SLC39A14: variants seen among roughly 807,000 people sequenced by gnomAD.
SLC39A14 encodes the protein metal cation symporter ZIP14.
A neutral mutation model predicts 45.5 loss-of-function variants in SLC39A14; 19 were observed. The observed-to-expected ratio is 0.42, with a 90% CI of 0.29 to 0.61. The LOEUF (loss-of-function observed/expected upper bound fraction) is 0.61, where lower values mean the gene tolerates loss of function less well. Ranked by LOEUF, SLC39A14 falls within the 20% of genes least tolerant of loss-of-function variation. SLC39A14 has a pLI of 0.22. For missense variants in SLC39A14, 447 were observed against 616.5 expected, an observed-to-expected ratio of 0.73 and a Z score of 2.91; for synonymous variants, 264 against 251.3, an observed-to-expected ratio of 1.05 and a Z score of -0.48.
At chr8:22,402,787 TG>T (rs1834957382) in intron 1 of SLC39A14, among the ~76,000 whole-genome samples, 1 of 87,738 alleles carries the variant, frequency 1.1e-5, no homozygotes, top group Non-Finnish European at 2.8e-5. Flanking sequence ...AAAAAAAAAA[TG>T]TTGCTATTTT....
intron 8 of SLC39A14, among the ~76,000 whole-genome samples, chr8:22,428,536 G>A (rs373764380): frequency 4.2e-5 from 6 of 143,818 alleles, no homozygotes; most frequent in South Asian, 4.7e-4. Flanking sequence ...TCTGCCTCCC[G>A]GGTTCAAGCG....
chr8:22,387,005 C>G (rs1186589274), intron 1 of SLC39A14, among the ~76,000 whole-genome samples: 2 of 151,942 alleles, frequency 1.3e-5, no homozygotes, highest in African/African-American at 4.8e-5. Context: ...GACCCTGTCT[C>G]TACAAAACAA....
At position 22,408,480 on chromosome 8, in the gene SLC39A14, G is replaced by T. The variant is rs1835361540; in HGVS notation, c.441G>T (p.Arg147=). The change falls in exon 3 of 9, where the codon CGG becomes CGT. Residue 147 remains arginine, a synonymous_variant. Coordinates refer to ENST00000381237, the MANE Select transcript of SLC39A14 (RefSeq NM_001128431.4). The part of the protein sequence containing the change: ...NEENEQTEEG[R]PSAVEVWGYG... ...AGAATGAGCAGACGGAGGAGGGGCGGCCAAGCGCTGTTGAAGGTGAGCCAG... is the reference window on the plus strand; with the variant it reads ...AGAATGAGCAGACGGAGGAGGGGCGTCCAAGCGCTGTTGAAGGTGAGCCAG... 4.3e-6 allele frequency: 7 copies of T among 1,613,234 alleles called. No homozygotes were observed. The highest frequency in any genetic ancestry group is 1.3e-5 in the African/African-American group (1 of 74,918).
chr8:22,367,306 G>T lies in SLC39A14; in HGVS notation c.-118G>T, dbSNP rs901204095. 3.3e-5 allele frequency: 5 copies of T among 151,830 alleles called. No individual in the cohort carries two copies. The highest frequency in any genetic ancestry group is 2.9e-5 in the Non-Finnish European group (2 of 67,910). The allele number at this position is 151,830 out of a possible 1,614,324, so 9.4% of individuals were successfully genotyped here. A position where few individuals can be genotyped will look rare whatever the true frequency, so the allele number is the denominator to read the frequency against. On this transcript the variant is annotated 5_prime_UTR_variant, in exon 1 of 9. Coordinates refer to ENST00000381237, the MANE Select transcript of SLC39A14 (RefSeq NM_001128431.4). The surrounding 1 kb of genome is among the most constrained non-coding windows in gnomAD (Gnocchi z 4.2). The stretch of plus-strand genomic sequence containing the variant: ...CGGACGCAGTGAGGGGGGTCGGCGC[G>T]CGTGTCTACGCGGACGCACCGGCTA...
Position 22,371,345 on chromosome 8 carries a change from T to G in SLC39A14, c.-16+3937T>G, listed in dbSNP as rs547843519. ...AGTTCCTAATGGCCCTCGTAGGCAG[T>G]GCATTCAGTATTAGTAGTTAATAAA... On this transcript the variant is annotated intron_variant, in intron 1 of 8. Transcript: ENST00000381237. Among the ~76,000 whole-genome samples the G allele has an allele frequency of 2.7e-5, 4 of 150,630 alleles. No homozygotes were observed. The East Asian group carries it at 7.8e-4, about 29-fold the overall frequency.
At chr8:22,415,492 C>A in intron 5 of SLC39A14, 1 of 372,942 alleles carries the variant, frequency 2.7e-6, no homozygotes, top group Non-Finnish European at 4.8e-6. Flanking sequence ...AACGGGGTCT[C>A]GCTTCGTTGC....
chr8:22,404,899 G>A lies in SLC39A14; in HGVS notation c.189G>A (p.Lys63=). The change falls in exon 2 of 9, where the codon AAG becomes AAA. Residue 63 remains lysine, a synonymous_variant. Transcript: ENST00000381237. The part of the protein sequence containing the change: ...EGDSLTLQQL[K]ALLNHLDVGV... Reference sequence around the variant, plus strand: ...ACAGCCTCACTCTGCAGCAGCTGAAGGCCCTACTCAACCACCTGGATGTGG... The same window carrying A: ...ACAGCCTCACTCTGCAGCAGCTGAAAGCCCTACTCAACCACCTGGATGTGG... 1 of 1,614,166 alleles carries A rather than the reference G, an allele frequency of 6.2e-7. No individual in the cohort carries two copies.
chr8:22,400,489 A>G (rs1333380787), intron 1 of SLC39A14, among the ~76,000 whole-genome samples: 1 of 152,154 alleles, frequency 6.6e-6, no homozygotes, highest in Non-Finnish European at 1.5e-5. Context: ...GCTCTGATGG[A>G]TAACCACTTT....
intron 1 of SLC39A14, chr8:22,390,094 A>T (rs1013220792): frequency 6.0e-6 from 1 of 165,310 alleles, no homozygotes; most frequent in African/African-American, 2.4e-5. Context: ...CTTGGCCAGA[A>T]TCTTGCCCTT....
rs1835854197 is a variant in SLC39A14 at position 22,415,963 on chromosome 8, T to C, written c.939+6T>C. ...TGGGCTCGCTCTCTGTGCAGGTCAG[T>C]GGGCCACCAGCTGCTTGGTGGAGCC... On this transcript the variant is annotated splice_donor_region_variant and intron_variant, in intron 6 of 8. Coordinates refer to ENST00000381237, the MANE Select transcript of SLC39A14 (RefSeq NM_001128431.4). 3.7e-6 allele frequency: 6 copies of C among 1,601,294 alleles called. No homozygotes were observed. The highest frequency in any genetic ancestry group is 5.1e-6 in the Non-Finnish European group (6 of 1,171,440).
At chr8:22,426,516 G>A (rs554391974), downstream of SLC39A14, among the ~76,000 whole-genome samples, 1 of 152,192 alleles carries the variant, frequency 6.6e-6, no homozygotes, top group African/African-American at 2.4e-5. Flanking sequence ...TTCTACAACC[G>A]GTTTACTTAT....
chr8:22,413,826 G>A (rs938021713), intron 4 of SLC39A14, among the ~76,000 whole-genome samples: 2 of 152,196 alleles, frequency 1.3e-5, no homozygotes, highest in African/African-American at 4.8e-5. Context: ...CCAGACTGGA[G>A]TGCAGTGGTG....
intron 1 of SLC39A14, among the ~76,000 whole-genome samples, chr8:22,387,595 C>A (rs981891714): frequency 1.3e-5 from 2 of 152,178 alleles, no homozygotes; most frequent in African/African-American, 4.8e-5. Flanking sequence ...TGCCACCATA[C>A]CCCCTGCCTT....
intron 1 of SLC39A14, among the ~76,000 whole-genome samples, chr8:22,373,797 C>G (rs1833059649): frequency 6.8e-6 from 1 of 147,910 alleles, no homozygotes; most frequent in African/African-American, 2.5e-5. Context: ...CAGAGTGTCT[C>G]TCTGTCACCC....
intron 1 of SLC39A14, among the ~76,000 whole-genome samples, chr8:22,383,395 G>C (rs1223628206): frequency 6.6e-6 from 1 of 152,186 alleles, no homozygotes; most frequent in Non-Finnish European, 1.5e-5. Context: ...TGGAGGGACA[G>C]ACCTGGACCA....
rs1835600195 is a variant in SLC39A14, at chr8:22,412,038, G to A, written c.459G>A (p.Val153=). ...GCTGGCCCTCCCTCCGCACGGCAGT[G>A]TGGGGATACGGTCTCCTCTGTGTGA... is the stretch of plus-strand genomic sequence containing the variant. ...TEEGRPSAVE[V]WGYGLLCVTV... is the part of the protein sequence containing the mutation. The change falls in exon 4 of 9, where the codon GTG becomes GTA. Residue 153 remains valine, a splice_region_variant and synonymous_variant. Transcript: ENST00000381237. 6.4e-7 allele frequency: 1 copy of A among 1,550,628 alleles called. No individual in the cohort carries two copies. The highest frequency in any genetic ancestry group is 8.7e-7 in the Non-Finnish European group (1 of 1,146,910).
At chr8:22,402,585 C>T (rs1335696161) in intron 1 of SLC39A14, among the ~76,000 whole-genome samples, 1 of 151,858 alleles carries the variant, frequency 6.6e-6, no homozygotes, top group Non-Finnish European at 1.5e-5. Flanking sequence ...GCCTGACCAA[C>T]ATGGTAAAAC....
chr8:22,408,578 T>G (rs1464695498), intron 3 of SLC39A14, 82 bp downstream of exon 3: 1 of 1,328,472 alleles, frequency 7.5e-7, no homozygotes, highest in Non-Finnish European at 1.0e-6. Context: ...CTGCTGCTGC[T>G]CCTCACTGAA....
chr8:22,407,365 CTT>C (rs1835284833), intron 2 of SLC39A14, among the ~76,000 whole-genome samples: 1 of 152,040 alleles, frequency 6.6e-6, no homozygotes, highest in Non-Finnish European at 1.5e-5. Context: ...TTTTCTTTCT[CTT>C]TTGTTTTGTG....
Sources: allele counts gnomAD v4.1 joint callset (sites outside exome capture counted in the v4.1 genomes callset), GRCh38; gene constraint gnomAD v4.1.1; non-coding constraint Gnocchi (gnomAD v3.1); transcripts MANE v1.5; gene names NCBI Gene and HGNC (gene_info 2026-07-23, HGNC 2026-07-21).